The following SHANK2 variants were observed in gnomAD, a reference collection of about 807,000 sequenced individuals.
SHANK2 encodes the protein SH3 and multiple ankyrin repeat domains protein 2.
Under a neutral mutation model 133.7 loss-of-function variants are expected in SHANK2, and 43 were observed. The ratio of observed to expected loss-of-function variants is 0.32; its 90% CI spans 0.25 to 0.41. The LOEUF is 0.41. SHANK2 is among the 10% of genes least tolerant of loss of function. The probability of loss-of-function intolerance (pLI) is 1.00; values close to 1 mark genes in which losing one functional copy is unlikely to be tolerated. For missense variants in SHANK2, 1,994 were observed against 2,235.8 expected (o/e 0.89, Z 2.18); for synonymous variants, 1,017 against 952.8 (o/e 1.07, Z -1.24).
intron 8 of SHANK2, among the ~76,000 whole-genome samples, chr11:71,088,093 T>C (rs1951443067): frequency 6.6e-6 from 1 of 152,142 alleles, no homozygotes; most frequent in East Asian, 1.9e-4. Context: ...TTCTCCATAA[T>C]GTGGGTGGGC....
chr11:70,912,256 T>C (rs1950206485), intron 10 of SHANK2, among the ~76,000 whole-genome samples: 1 of 152,152 alleles, frequency 6.6e-6, no homozygotes, highest in South Asian at 2.1e-4. Context: ...ACAAATTATA[T>C]AAGCTAAAAT....
chr11:70,552,129 G>C (rs2059778075), intron 17 of SHANK2, among the ~76,000 whole-genome samples: 1 of 152,256 alleles, frequency 6.6e-6, no homozygotes. Context: ...GGGCTGCATG[G>C]AGGAGGAGGC....
chr11:71,159,848 T>C (rs1401502790), intron 2 of SHANK2, among the ~76,000 whole-genome samples: 1 of 151,736 alleles, frequency 6.6e-6, no homozygotes, highest in African/African-American at 2.4e-5. Context: ...TAGCTGGGCA[T>C]GGTGGTGGCA....
At chr11:71,132,619 G>A (rs1555103879) in intron 3 of SHANK2, among the ~76,000 whole-genome samples, 1 of 152,152 alleles carries the variant, frequency 6.6e-6, no homozygotes, top group Non-Finnish European at 1.5e-5. Flanking sequence ...CATATACAAA[G>A]CACGAACCCA....
At chr11:70,877,316 C>G (rs756808896) in intron 11 of SHANK2, among the ~76,000 whole-genome samples, 1 of 152,258 alleles carries the variant, frequency 6.6e-6, no homozygotes, top group Non-Finnish European at 1.5e-5. Context: ...GATGGCCAGC[C>G]TGTGACCTCA....
chr11:70,472,801 A>G lies in SHANK2; in HGVS notation c.*68T>C. 6.8e-7 allele frequency: 1 copy of G among 1,476,208 alleles called. No homozygotes were observed. The highest frequency in any genetic ancestry group is 9.5e-7 in the Non-Finnish European group (1 of 1,054,732). The allele number at this position is 1,476,208 out of a possible 1,614,324, so 91.4% of individuals were successfully genotyped here. Reference sequence around the variant, plus strand: ...TGCTCACAGACTTCGCTTGGCATTCAGATGTTTCAGCACGAGCCCATCTCT... The same window carrying G: ...TGCTCACAGACTTCGCTTGGCATTCGGATGTTTCAGCACGAGCCCATCTCT... On this transcript the variant is annotated 3_prime_UTR_variant, in exon 26 of 26. Transcript: ENST00000601538. The surrounding 1 kb of genome is among the most constrained non-coding windows in gnomAD (Gnocchi z 4.4).
intron 21 of SHANK2, chr11:70,497,060 G>A: frequency 2.2e-6 from 1 of 456,534 alleles, no homozygotes; most frequent in Non-Finnish European, 4.4e-6. Context: ...CGGGCGTGTT[G>A]GGGTGGTAGG....
At chr11:70,555,054 G>A (rs941227894) in intron 17 of SHANK2, among the ~76,000 whole-genome samples, 3 of 151,824 alleles carry the variant, frequency 2.0e-5, no homozygotes, top group Non-Finnish European at 4.4e-5. Context: ...GTCTGTTATC[G>A]TGATCTGTGA....
rs201394941 is a variant in SHANK2, at chr11:70,599,905, G to GAGAAAGAAAGAAAGAA, written c.2061+59907_2061+59922dup. Among the ~76,000 whole-genome samples the GAGAAAGAAAGAAAGAA allele has an allele frequency of 1.4e-4, 10 of 73,760 alleles. No individual in the cohort carries two copies. In the East Asian group the frequency reaches 1.6e-3, roughly 12 times the overall value. The allele number at this position is 73,760 out of a possible 152,430, so 48.4% of individuals were successfully genotyped here. A position where few individuals can be genotyped will look rare whatever the true frequency, so the allele number is the denominator to read the frequency against. On this transcript the variant is annotated intron_variant, in intron 17 of 25. Transcript: ENST00000601538. ...AAAGAAAGAAAAAGAAAGAAAGAAA[G>GAGAAAGAAAGAAAGAA]AGAAAGAAAGAAAGAAAGAAAGAAA...
At position 70,859,283 on chromosome 11, in the gene SHANK2, C is replaced by T. The variant is rs553019001; in HGVS notation, c.1174+37218G>A. ...GTGGATGAATGAATAAATGGATATA[C>T]AGATGGGCAGATGGATGGGTAGGTG... On this transcript the variant is annotated intron_variant, in intron 11 of 25. Transcript: ENST00000601538. Among the ~76,000 whole-genome samples the T allele has an allele frequency of 6.4e-4, 98 of 152,022 alleles. No individual in the cohort carries two copies. In the South Asian group the frequency reaches 0.019, roughly 30 times the overall value.
intron 12 of SHANK2, among the ~76,000 whole-genome samples, chr11:70,817,441 G>A (rs1948422756): frequency 6.6e-6 from 1 of 152,228 alleles, no homozygotes; most frequent in African/African-American, 2.4e-5. Flanking sequence ...GGGCCACCAG[G>A]TAAGAGCAGT....
At chr11:70,945,192 G>A (rs1326602444) in intron 10 of SHANK2, among the ~76,000 whole-genome samples, 3 of 152,110 alleles carry the variant, frequency 2.0e-5, no homozygotes, top group South Asian at 2.1e-4. Flanking sequence ...GACTTCCCTC[G>A]GGGTGCTTTG....
In SHANK2 at chr11:71,224,743, G is replaced by A. The variant is rs1954613137; in HGVS notation, c.-59C>T. 6.6e-6 allele frequency: 1 copy of A among 152,268 alleles called. No homozygotes were observed. Among genetic ancestry groups the A allele is most frequent in the African/African-American group, 2.4e-5 (1 of 41,442 alleles). The allele number at this position is 152,268 out of a possible 1,614,324, so 9.4% of individuals were successfully genotyped here. On this transcript the variant is annotated 5_prime_UTR_variant, in exon 2 of 26. Coordinates refer to ENST00000601538, the MANE Select transcript of SHANK2 (RefSeq NM_012309.5). Reference sequence around the variant, plus strand: ...CCTCACAGATGGCCTCTTAGAGCAGGAACTGTCTGTATTCTAGAGGGCCAA... The same window carrying A: ...CCTCACAGATGGCCTCTTAGAGCAGAAACTGTCTGTATTCTAGAGGGCCAA...
chr11:70,666,371 C>G (rs1944677728), intron 15 of SHANK2, among the ~76,000 whole-genome samples: 1 of 152,228 alleles, frequency 6.6e-6, no homozygotes, highest in African/African-American at 2.4e-5. Flanking sequence ...CAGCACCCCC[C>G]ATCCCCATGC....
chr11:70,690,670 C>T (rs1428587962), intron 15 of SHANK2, among the ~76,000 whole-genome samples: 5 of 130,176 alleles, frequency 3.8e-5, no homozygotes, highest in Non-Finnish European at 8.0e-5. Flanking sequence ...ACTTAGAACC[C>T]ATAAATATAA....
At chr11:71,114,555 C>T (rs547601949) in intron 4 of SHANK2, among the ~76,000 whole-genome samples, 13 of 152,268 alleles carry the variant, frequency 8.5e-5, no homozygotes, top group Non-Finnish European at 2.9e-5. Flanking sequence ...CCAAATAAAC[C>T]AGCTGTGAAA....
At chr11:70,901,199 G>A (rs1259504552) in intron 10 of SHANK2, among the ~76,000 whole-genome samples, 1 of 152,120 alleles carries the variant, frequency 6.6e-6, no homozygotes, top group East Asian at 1.9e-4. Flanking sequence ...AGCCGTTTGG[G>A]TTCAAACTCT....
chr11:70,490,189 G>C, intron 23 of SHANK2, 87 bp downstream of exon 23: 1 of 1,157,856 alleles, frequency 8.6e-7, no homozygotes, highest in Non-Finnish European at 1.3e-6. Context: ...AACTGTGAGA[G>C]GCCCAGGGCT....
chr11:70,875,461 T>TTGCA (rs1326024147), intron 11 of SHANK2, among the ~76,000 whole-genome samples: 10 of 150,502 alleles, frequency 6.6e-5, no homozygotes, highest in Non-Finnish European at 1.5e-4. Flanking sequence ...GGAGTGGAGG[T>TTGCA]TGCAGTGAGC....
Sources: gnomAD v4.1 joint callset for allele counts (sites outside exome capture counted in the v4.1 genomes callset) on GRCh38, gnomAD v4.1.1 for gene constraint, Gnocchi (gnomAD v3.1) non-coding constraint, MANE v1.5 for transcripts, NCBI Gene and HGNC (gene_info 2026-07-23, HGNC 2026-07-21) for gene names.